The following SYT9 variants were observed in gnomAD, a reference collection of about 807,000 sequenced individuals.
SYT9 encodes synaptotagmin-9.
Under a neutral mutation model 48.4 loss-of-function variants are expected in SYT9, and 22 were observed. That is an observed-to-expected ratio of 0.45 (90% CI 0.32 to 0.65). The LOEUF (loss-of-function observed/expected upper bound fraction) is 0.65. Among genes scored for constraint, SYT9 ranks in the 30% least tolerant of loss-of-function variants. SYT9 has a pLI of 0.03. For missense variants in SYT9, 577 were observed against 622.0 expected, an observed-to-expected ratio of 0.93 and a Z score of 0.77; for synonymous variants, 265 against 245.0, an observed-to-expected ratio of 1.08 and a Z score of -0.76.
intron 6 of SYT9, among the ~76,000 whole-genome samples, chr11:7,464,799 G>A (rs1008188489): frequency 5.3e-5 from 8 of 151,994 alleles, no homozygotes; most frequent in South Asian, 2.1e-4. Context: ...AGAGCTATTC[G>A]GGGCCAGGCG....
In SYT9 at chr11:7,414,497, C is replaced by T. The variant is rs544333206; in HGVS notation, c.1045-1545C>T. Among the ~76,000 whole-genome samples the T allele has an allele frequency of 2.0e-5, 3 of 152,338 alleles. No homozygotes were observed. The South Asian group carries it at 6.2e-4, about 32-fold the overall frequency. On this transcript the variant is annotated intron_variant, in intron 3 of 6. Transcript: ENST00000318881. ...CAGACACTGCTCCTGCAATGGGGAACCCAGCACTGCAGAACAAGCCAGAGT... is the reference window on the plus strand; with the variant it reads ...CAGACACTGCTCCTGCAATGGGGAATCCAGCACTGCAGAACAAGCCAGAGT...
intron 2 of SYT9, among the ~76,000 whole-genome samples, chr11:7,311,594 C>G (rs1849134751): frequency 6.6e-6 from 1 of 152,164 alleles, no homozygotes; most frequent in Non-Finnish European, 1.5e-5. Context: ...TGAGGATGCA[C>G]TTTTATCATG....
At chr11:7,275,691 T>A (rs752475822) in intron 1 of SYT9, among the ~76,000 whole-genome samples, 1 of 152,158 alleles carries the variant, frequency 6.6e-6, no homozygotes, top group Non-Finnish European at 1.5e-5. Flanking sequence ...TCTAGCCACC[T>A]CCTGGACATC....
At chr11:7,421,411 A>T (rs773907055) in intron 6 of SYT9, among the ~76,000 whole-genome samples, 1 of 152,242 alleles carries the variant, frequency 6.6e-6, no homozygotes, top group Non-Finnish European at 1.5e-5. Flanking sequence ...TGCTATTTAC[A>T]TTTAATTTAG....
intron 1 of SYT9, among the ~76,000 whole-genome samples, chr11:7,269,828 A>T (rs145521106): frequency 4.5e-4 from 69 of 152,284 alleles, no homozygotes; most frequent in African/African-American, 1.6e-3. Flanking sequence ...GTTATTTTGG[A>T]AAAGGGGAAA....
chr11:7,344,460 G>A (rs925197329), intron 3 of SYT9, among the ~76,000 whole-genome samples: 10 of 152,148 alleles, frequency 6.6e-5, no homozygotes, highest in African/African-American at 2.4e-4. Flanking sequence ...GCGTGTCAAA[G>A]AAGTCCTGGC....
In SYT9 at chr11:7,311,436, T is replaced by C. The variant is rs569672721; in HGVS notation, c.498-1959T>C. On this transcript the variant is annotated intron_variant, in intron 2 of 6. Coordinates refer to ENST00000318881, the MANE Select transcript of SYT9 (RefSeq NM_175733.4). ...AAGAAAATTCAAAGGGAAATTGTAATGCACAGTCTGCCCAGCAACCATCTG... is the reference window on the plus strand; with the variant it reads ...AAGAAAATTCAAAGGGAAATTGTAACGCACAGTCTGCCCAGCAACCATCTG... Among the ~76,000 whole-genome samples the C allele has an allele frequency of 3.3e-5, 5 of 152,350 alleles. No homozygotes were observed. The South Asian group carries it at 8.3e-4, about 25-fold the overall frequency.
chr11:7,336,277 C>A (rs963073676), intron 3 of SYT9, among the ~76,000 whole-genome samples: 104 of 152,184 alleles, frequency 6.8e-4, no homozygotes, highest in African/African-American at 2.3e-3. Flanking sequence ...GGATTTTCTC[C>A]TGTTCTGTAG....
At chr11:7,366,523 T>TATTAATTAATAGACATCCAC (rs1422989214) in intron 3 of SYT9, among the ~76,000 whole-genome samples, 2 of 152,194 alleles carry the variant, frequency 1.3e-5, no homozygotes, top group African/African-American at 4.8e-5. Context: ...TAGACATCCA[T>TATTAATTAATAGACATCCAC]ATTAATTAAT....
Position 7,464,646 on chromosome 11 carries a change from T to C in SYT9, c.1468-2146T>C, listed in dbSNP as rs983991377. ...CACAACTAATTCCAGACCACATTCA[T>C]TGGTGACACTGAGCCTGTTAACAAT... is the stretch of plus-strand genomic sequence containing the variant. On this transcript the variant is annotated intron_variant, in intron 6 of 6. Transcript: ENST00000318881. Among the ~76,000 whole-genome samples, 18 of 152,304 alleles carry C rather than the reference T, an allele frequency of 1.2e-4. 1 individual carries two copies. Among genetic ancestry groups the C allele is most frequent in the African/African-American group, 3.6e-4 (15 of 41,564 alleles).
intron 1 of SYT9, 102 bp from the exon 2 acceptor site, chr11:7,302,937 C>T (rs1416114453): frequency 1.8e-6 from 2 of 1,112,604 alleles, no homozygotes; most frequent in East Asian, 4.7e-5. Context: ...GCAGTCGGCT[C>T]CCAAGGGATG....
At chr11:7,465,049 C>G (rs1848307519) in intron 6 of SYT9, among the ~76,000 whole-genome samples, 3 of 152,110 alleles carry the variant, frequency 2.0e-5, no homozygotes, top group Admixed American at 6.5e-5. Flanking sequence ...GATTGCGCCA[C>G]TGCACTCCAG....
intron 1 of SYT9, among the ~76,000 whole-genome samples, chr11:7,253,946 T>C (rs567854953): frequency 6.6e-6 from 1 of 152,322 alleles, no homozygotes; most frequent in South Asian, 2.1e-4. Context: ...GAGTTCTCCT[T>C]GTTATCCCAC....
chr11:7,289,181 G>T (rs1848653997), intron 1 of SYT9, among the ~76,000 whole-genome samples: 1 of 152,196 alleles, frequency 6.6e-6, no homozygotes, highest in Admixed American at 6.5e-5. Context: ...TTCAGGAGCT[G>T]CCTGAGCGCT....
At chr11:7,445,679 A>G (rs1209061998) in intron 6 of SYT9, among the ~76,000 whole-genome samples, 3 of 152,040 alleles carry the variant, frequency 2.0e-5, no homozygotes, top group Admixed American at 6.5e-5. Context: ...GTTTTTTTCT[A>G]CACCACACAA....
intron 1 of SYT9, among the ~76,000 whole-genome samples, chr11:7,297,397 T>C (rs1765656040): frequency 6.6e-6 from 1 of 152,196 alleles, no homozygotes; most frequent in Admixed American, 6.5e-5. Flanking sequence ...TTGTGACATA[T>C]CATTTGACTA....
chr11:7,420,715 G>C, intron 6 of SYT9, 80 bp downstream of exon 6: 7 of 1,558,658 alleles, frequency 4.5e-6, no homozygotes, highest in Non-Finnish European at 6.2e-6. Context: ...CCAAACATAT[G>C]AGTGCACCAG....
chr11:7,365,090 C>T (rs1486188180), intron 3 of SYT9, among the ~76,000 whole-genome samples: 1 of 152,046 alleles, frequency 6.6e-6, no homozygotes, highest in African/African-American at 2.4e-5. Context: ...GCCTTCACTT[C>T]CTTGCACAGT....
chr11:7,296,374 C>A (rs1415981242), intron 1 of SYT9, among the ~76,000 whole-genome samples: 1 of 152,222 alleles, frequency 6.6e-6, no homozygotes, highest in African/African-American at 2.4e-5. Flanking sequence ...TAAGTTCAAT[C>A]ATTTAAACAA....
Sources: gnomAD v4.1 joint callset for allele counts (sites outside exome capture counted in the v4.1 genomes callset) on GRCh38, gnomAD v4.1.1 for gene constraint, MANE v1.5 for transcripts, NCBI Gene and HGNC (gene_info 2026-07-23, HGNC 2026-07-21) for gene names.